ZNF493: variants seen among roughly 807,000 people sequenced by gnomAD.
ZNF493 encodes the protein zinc finger protein 493.
A neutral mutation model predicts 12.2 loss-of-function variants in ZNF493; 11 were observed. The ratio of observed to expected loss-of-function variants is 0.90; its 90% CI spans 0.57 to 1.50. The LOEUF is 1.50. Ranked by LOEUF, ZNF493 falls within the 40% of genes most tolerant of loss-of-function variation. The probability of loss-of-function intolerance (pLI) is 0.00; values close to 1 mark genes in which losing one functional copy is unlikely to be tolerated. For synonymous variants in ZNF493, 286 were observed against 302.6 expected (o/e 0.95, Z 0.57); for missense variants, 950 against 906.6 (o/e 1.05, Z -0.61).
chr19:21,421,118 GT>G (rs1221759638), intron 3 of ZNF493, among the ~76,000 whole-genome samples: 2 of 151,980 alleles, frequency 1.3e-5, no homozygotes, highest in Admixed American at 6.6e-5. Context: ...GCTTACATAT[GT>G]GTTTGATATA....
In ZNF493 at chr19:21,426,118, T is replaced by G. The variant is rs112557514; in HGVS notation, c.*1134T>G. The G allele has an allele frequency of 4.0e-3, 1,063 of 265,328 alleles. 14 individuals carry two copies. Among genetic ancestry groups the G allele is most frequent in the African/African-American group, 0.022 (955 of 44,366 alleles). The allele number at this position is 265,328 out of a possible 1,614,324, so 16.4% of individuals were successfully genotyped here. ...AGAAACTCTACAAACCAGTAAGATGTGACAGTGCTTCTGACAACATCTCAA... is the reference window on the plus strand; with the variant it reads ...AGAAACTCTACAAACCAGTAAGATGGGACAGTGCTTCTGACAACATCTCAA... On this transcript the variant is annotated 3_prime_UTR_variant, in exon 4 of 4. Transcript: ENST00000392288.
intron 1 of ZNF493, 181 bp downstream of exon 1, chr19:21,397,448 C>T: frequency 1.3e-6 from 1 of 742,506 alleles, no homozygotes; most frequent in Non-Finnish European, 2.4e-6. Flanking sequence ...CGCCAACAGC[C>T]GGGGCCCCGG....
In ZNF493 at chr19:21,423,148, T is replaced by C; in HGVS notation, c.489T>C (p.Phe163=). The C allele has an allele frequency of 1.2e-6, 2 of 1,613,494 alleles. No homozygotes were observed. Among genetic ancestry groups the C allele is most frequent in the Non-Finnish European group, 1.7e-6 (2 of 1,179,742 alleles). The part of the protein sequence containing the change: ...IFQCDKYVKV[F]HKLLNSNRHN... ...AATGTGATAAATATGTGAAAGTCTTTCATAAACTTTTAAATTCAAATAGAC... is the reference window on the plus strand; with the variant it reads ...AATGTGATAAATATGTGAAAGTCTTCCATAAACTTTTAAATTCAAATAGAC... The change falls in exon 4 of 4, where the codon TTT becomes TTC. Residue 163 remains phenylalanine (F), a synonymous_variant. Transcript: ENST00000392288.
intron 3 of ZNF493, among the ~76,000 whole-genome samples, chr19:21,414,882 C>T (rs1433566728): frequency 6.6e-6 from 1 of 152,176 alleles, no homozygotes; most frequent in East Asian, 1.9e-4. Flanking sequence ...ATTTCAAAAA[C>T]TGAAACAGTT....
chr19:21,405,082 G>A (rs777317867), intron 1 of ZNF493, 47 bp from the exon 2 acceptor site: 10 of 1,554,360 alleles, frequency 6.4e-6, no homozygotes, highest in South Asian at 4.9e-5. Context: ...TTTTGCCCAC[G>A]TGTAAATGTG....
intron 3 of ZNF493, chr19:21,408,345 G>A: frequency 1.3e-6 from 1 of 749,396 alleles, no homozygotes. Flanking sequence ...GCTAAGCTGG[G>A]TCTCGAACTC....
chr19:21,422,584 T>C (rs1471812195), intron 3 of ZNF493, among the ~76,000 whole-genome samples: 1 of 151,802 alleles, frequency 6.6e-6, no homozygotes, highest in Non-Finnish European at 1.5e-5. Flanking sequence ...CTTGAGCCAC[T>C]GCACTTGGCT....
chr19:21,415,003 A>G (rs963950961), intron 3 of ZNF493, among the ~76,000 whole-genome samples: 14 of 152,206 alleles, frequency 9.2e-5, no homozygotes, highest in South Asian at 4.1e-4. Flanking sequence ...GAGAGAGACA[A>G]TAACTTTTCC....
chr19:21,426,082 T>C lies in ZNF493; in HGVS notation c.*1098T>C. ...CAGTTCTTAACACACATACGATAAT[T>C]CTTACTGCAGAGAAACTCTACAAAC... On this transcript the variant is annotated 3_prime_UTR_variant, in exon 4 of 4. Coordinates refer to ENST00000392288, the MANE Select transcript of ZNF493 (RefSeq NM_001076678.3). 1 of 332,158 alleles carries C rather than the reference T, an allele frequency of 3.0e-6. No individual in the cohort carries two copies. The highest frequency in any genetic ancestry group is 6.2e-6 in the Non-Finnish European group (1 of 161,412). The allele number at this position is 332,158 out of a possible 1,614,324, so 20.6% of individuals were successfully genotyped here. A position where few individuals can be genotyped will look rare whatever the true frequency, so the allele number is the denominator to read the frequency against.
chr19:21,424,052 G>T lies in ZNF493; in HGVS notation c.1393G>T (p.Glu465Ter), dbSNP rs759874133. 6.2e-7 allele frequency: 1 copy of T among 1,613,434 alleles called. No individual in the cohort carries two copies. Among genetic ancestry groups the T allele is most frequent in the African/African-American group, 1.3e-5 (1 of 74,886 alleles). ...HTEEKPYKCEECGKAFKRSST... is the reference protein window; with the variant it reads ...HTEEKPYKCE ...AGAAGAGAAACCCTACAAATGTGAA[G>T]AATGTGGCAAAGCTTTTAAACGATC... The change falls in exon 4 of 4, where the codon GAA becomes TAA. Residue 465 changes from glutamate (E) to a stop codon, truncating the protein, a stop_gained. Coordinates refer to ENST00000392288, the MANE Select transcript of ZNF493 (RefSeq NM_001076678.3). LOFTEE classifies it low-confidence loss of function (END_TRUNC).
At chr19:21,403,891 G>A (rs763405225) in intron 1 of ZNF493, among the ~76,000 whole-genome samples, 6 of 151,958 alleles carry the variant, frequency 3.9e-5, no homozygotes, top group South Asian at 2.1e-4. Flanking sequence ...CTTCTTATAC[G>A]CCATGCAGAA....
Position 21,422,918 on chromosome 19 carries a change from T to C in ZNF493, c.259T>C (p.Cys87Arg). The C allele has an allele frequency of 6.5e-7, 1 of 1,548,616 alleles. No homozygotes were observed. The highest frequency in any genetic ancestry group is 8.7e-7 in the Non-Finnish European group (1 of 1,153,440). The stretch of plus-strand genomic sequence containing the variant: ...GATATTTTTATTTCTTTCAGTTATA[T>C]GTTCTCATTTTGCTGAAGACTTTTG... Reference protein sequence around the residue: ...HSTVVKPPVICSHFAEDFCPG... With the variant: ...HSTVVKPPVIRSHFAEDFCPG... Residue 87 changes from cysteine to arginine, a missense_variant, in exon 4 of 4, where the codon TGT becomes CGT. Coordinates refer to ENST00000392288, the MANE Select transcript of ZNF493 (RefSeq NM_001076678.3).
At chr19:21,420,605 ATATATATATATATATATATTTTTTTTTT>A (rs2030632100) in intron 3 of ZNF493, among the ~76,000 whole-genome samples, 2 of 7,904 alleles carry the variant, frequency 2.5e-4, no homozygotes, top group South Asian at 7.6e-3. Context: ...ATATATATAT[ATATATATATATATATATATTTTTTTTTT>A]TTTTTTTTTT....
At chr19:21,401,784 C>A (rs2029954258) in intron 1 of ZNF493, among the ~76,000 whole-genome samples, 1 of 151,520 alleles carries the variant, frequency 6.6e-6, no homozygotes. Flanking sequence ...ACCACCACAC[C>A]CAGCTAATTT....
chr19:21,421,265 A>G (rs899746206), intron 3 of ZNF493, among the ~76,000 whole-genome samples: 2 of 149,802 alleles, frequency 1.3e-5, no homozygotes, highest in Non-Finnish European at 3.0e-5. Context: ...TTTTGTTCTT[A>G]TTTCCAGTTT....
At chr19:21,404,702 A>T (rs2030055951) in intron 1 of ZNF493, among the ~76,000 whole-genome samples, 1 of 152,208 alleles carries the variant, frequency 6.6e-6, no homozygotes, top group African/African-American at 2.4e-5. Flanking sequence ...CTCAGAGTTT[A>T]TTTCAGATCT....
intron 1 of ZNF493, among the ~76,000 whole-genome samples, chr19:21,402,269 G>T (rs1258947666): frequency 3.3e-5 from 5 of 152,258 alleles, no homozygotes; most frequent in African/African-American, 9.6e-5. Flanking sequence ...GCCTGGCCCT[G>T]GCCAGCTATT....
intron 3 of ZNF493, chr19:21,413,357 TG>T (rs1240139235): frequency 2.2e-5 from 9 of 401,656 alleles, no homozygotes; most frequent in African/African-American, 1.9e-4. Flanking sequence ...TAAGTATAAT[TG>T]TTCTCTGTGT....
At chr19:21,397,470 C>G in intron 1 of ZNF493, 4 of 655,418 alleles carry the variant, frequency 6.1e-6, no homozygotes, top group South Asian at 1.8e-5. Flanking sequence ...CGTCCTGTCT[C>G]TTCCCTGCAC....
Sources: gnomAD v4.1 joint callset for allele counts (sites outside exome capture counted in the v4.1 genomes callset) on GRCh38, gnomAD v4.1.1 for gene constraint, MANE v1.5 for transcripts, NCBI Gene and HGNC (gene_info 2026-07-23, HGNC 2026-07-21) for gene names.